Variants in CYP3A5 observed in about 807,000 individuals in gnomAD.
The protein encoded by CYP3A5 is cytochrome P450 family 3 subfamily A member 5.
In CYP3A5, 51 loss-of-function variants were observed where a neutral mutation model predicts 55.9. That is an observed-to-expected ratio of 0.91 (90% CI 0.73 to 1.15). CYP3A5 has a LOEUF of 1.15. CYP3A5 is among the 50% of genes most tolerant of loss of function. CYP3A5 has a pLI of 0.00. For synonymous variants in CYP3A5, 196 were observed against 213.9 expected, an observed-to-expected ratio of 0.92 and a Z score of 0.73; for missense variants, 533 against 596.6, an observed-to-expected ratio of 0.89 and a Z score of 1.11.
chr7:99,678,710 T>C (rs917754886), intron 1 of CYP3A5, among the ~76,000 whole-genome samples: 3 of 152,224 alleles, frequency 2.0e-5, no homozygotes, highest in Non-Finnish European at 4.4e-5. Context: ...TATCAATTCA[T>C]TTAAAAATGT....
intron 11 of CYP3A5, among the ~76,000 whole-genome samples, chr7:99,650,947 A>G (rs1809119829): frequency 6.6e-6 from 1 of 152,240 alleles, no homozygotes; most frequent in Non-Finnish European, 1.5e-5. Context: ...TGTTTTATTC[A>G]AATTTGATTT....
intron 2 of CYP3A5, among the ~76,000 whole-genome samples, chr7:99,675,611 TCTCTCCTCTCCTTTTCTCTC>T (rs1812147731): frequency 1.2e-5 from 1 of 86,872 alleles, no homozygotes; most frequent in East Asian, 3.6e-4. Context: ...TCTCCTCTCC[TCTCTCCTCTCCTTTTCTCTC>T]CTCTCCTCTC....
intron 10 of CYP3A5, among the ~76,000 whole-genome samples, chr7:99,654,903 C>T (rs1031706187): frequency 2.6e-4 from 39 of 152,186 alleles, no homozygotes; most frequent in African/African-American, 9.4e-4. Flanking sequence ...TGTTCATATC[C>T]TTCCCCCACT....
Position 99,662,931 on chromosome 7 carries a change from C to T in CYP3A5, c.799-49G>A. ...TTTGGCAGAAAGTGACTCGTGAAGT[C>T]AGAAGTAAATCAAAAGTGCAGTCCT... On this transcript the variant is annotated intron_variant, in intron 8 of 12. Coordinates refer to ENST00000222982, the MANE Select transcript of CYP3A5 (RefSeq NM_000777.5). This position sits in a 1 kb window ranked among gnomAD's most constrained non-coding sequence, Gnocchi z 4.3. 6.2e-7 allele frequency: 1 copy of T among 1,609,548 alleles called. No homozygotes were observed. The highest frequency in any genetic ancestry group is 1.1e-5 in the South Asian group (1 of 90,746).
chr7:99,675,963 G>A, intron 2 of CYP3A5, 152 bp downstream of exon 2: 1 of 641,932 alleles, frequency 1.6e-6, no homozygotes, highest in East Asian at 3.0e-5. Context: ...CACAGAGGCT[G>A]AGATTACAGG....
At chr7:99,677,167 G>A in intron 1 of CYP3A5, 4 of 985,396 alleles carry the variant, frequency 4.1e-6, no homozygotes, top group Non-Finnish European at 4.8e-6. Flanking sequence ...TGAGTCATGT[G>A]CAAACTCCTC....
intron 4 of CYP3A5, chr7:99,671,628 CTATA>C (rs2151440246): frequency 1.8e-6 from 1 of 542,172 alleles, no homozygotes; most frequent in East Asian, 3.0e-5. Context: ...AAGTGTTAAA[CTATA>C]TAACTCTTAG....
intron 7 of CYP3A5, among the ~76,000 whole-genome samples, 167 bp downstream of exon 7, chr7:99,664,999 T>C (rs41303322): frequency 0.03 from 4,506 of 152,242 alleles, 214 homozygotes; most frequent in African/African-American, 0.1. Context: ...GGGCTCTAGA[T>C]TGACAAAAAC....
chr7:99,667,164 A>G, intron 4 of CYP3A5, 99 bp from the exon 5 acceptor site: 1 of 983,456 alleles, frequency 1.0e-6, no homozygotes, highest in Admixed American at 2.8e-5. Flanking sequence ...ACAAATATTT[A>G]TTGACTGTAT....
intron 7 of CYP3A5, 60 bp from the exon 8 acceptor site, chr7:99,664,155 C>G: frequency 7.5e-7 from 1 of 1,339,284 alleles, no homozygotes; most frequent in Non-Finnish European, 1.0e-6. Flanking sequence ...TTACCTGGAG[C>G]AATTATAATT....
chr7:99,663,030 G>A (rs1810601855), intron 8 of CYP3A5, 148 bp from the exon 9 acceptor site: 1 of 1,401,644 alleles, frequency 7.1e-7, no homozygotes, highest in Non-Finnish European at 9.3e-7. Flanking sequence ...AGTCACCAGT[G>A]AACAAAAACA....
At chr7:99,674,753 A>G (rs1812057965) in intron 2 of CYP3A5, among the ~76,000 whole-genome samples, 168 bp from the exon 3 acceptor site, 1 of 152,216 alleles carries the variant, frequency 6.6e-6, no homozygotes, top group Non-Finnish European at 1.5e-5. Flanking sequence ...AAGAAAACAG[A>G]GAATATATTT....
At chr7:99,660,214 CTTTTTTTTTTTTTTTTTTTTT>C (rs34318418) in intron 10 of CYP3A5, 2 of 429,914 alleles carry the variant, frequency 4.7e-6, no homozygotes, top group African/African-American at 4.8e-5. Context: ...CGCCACACTC[CTTTTTTTTTTTTTTTTTTTTT>C]TTTTTTTTTT....
In CYP3A5 at chr7:99,662,834, C is replaced by A; in HGVS notation, c.847G>T (p.Glu283Ter). ...QLMIDSQNSK[E>*]TESHKALSDL... ...TGGTTACCTTTGTGGGACTCAGTTT[C>A]TTTCGAATTCTGGGAGTCAATCATC... is the stretch of plus-strand genomic sequence containing the variant. Residue 283 changes from glutamate (E) to a stop codon, truncating the protein, a stop_gained, in exon 9 of 13, where the codon GAA (glutamate) becomes TAA (stop). Transcript: ENST00000222982. LOFTEE classifies it high-confidence loss of function. This position sits in a 1 kb window ranked among gnomAD's most constrained non-coding sequence, Gnocchi z 4.3. 1 of 1,613,996 alleles carries A rather than the reference C, an allele frequency of 6.2e-7. No individual in the cohort carries two copies. Among genetic ancestry groups the A allele is most frequent in the Non-Finnish European group, 8.5e-7 (1 of 1,179,904 alleles).
intron 8 of CYP3A5, 66 bp downstream of exon 8, chr7:99,663,902 T>C: frequency 3.3e-6 from 5 of 1,522,546 alleles, no homozygotes; most frequent in Non-Finnish European, 4.4e-6. Flanking sequence ...ACATGCTCTA[T>C]CATGTGTATA....
Position 99,648,380 on chromosome 7 carries a change from C to T in CYP3A5, c.1434G>A (p.Thr478=), listed in dbSNP as rs745883666. 1.2e-5 allele frequency: 20 copies of T among 1,610,608 alleles called. No individual in the cohort carries two copies. Among genetic ancestry groups the T allele is most frequent in the Middle Eastern group, 3.3e-4 (2 of 6,070 alleles). The stretch of plus-strand genomic sequence containing the variant: ...GTTTTTCTGGTTGAAGAAGTCCTTG[C>T]GTGTCTAATTTCAAGGGGATCTACA... ...KETQIPLKLD[T]QGLLQPEKPI... Residue 478 remains threonine (T), a synonymous_variant, in exon 13 of 13, where the codon ACG becomes ACA. Coordinates refer to ENST00000222982, the MANE Select transcript of CYP3A5 (RefSeq NM_000777.5).
intron 1 of CYP3A5, chr7:99,676,685 C>A: frequency 6.6e-6 from 4 of 601,930 alleles, no homozygotes; most frequent in Non-Finnish European, 1.2e-5. Flanking sequence ...GGTGACACTG[C>A]CCTTACAATT....
intron 9 of CYP3A5, 112 bp from the exon 10 acceptor site, chr7:99,660,771 AT>A: frequency 7.7e-7 from 1 of 1,301,506 alleles, no homozygotes; most frequent in Non-Finnish European, 1.1e-6. Context: ...TGGAAAAGCA[AT>A]TCAAAGTCAC....
chr7:99,664,542 A>G (rs1185936483), intron 7 of CYP3A5, among the ~76,000 whole-genome samples: 1 of 152,232 alleles, frequency 6.6e-6, no homozygotes, highest in Non-Finnish European at 1.5e-5. Flanking sequence ...GGAAACTCAT[A>G]CATTTGTGGA....
Sources: allele counts gnomAD v4.1 joint callset (sites outside exome capture counted in the v4.1 genomes callset), GRCh38; gene constraint gnomAD v4.1.1; non-coding constraint Gnocchi (gnomAD v3.1); transcripts MANE v1.5; gene names NCBI Gene and HGNC (gene_info 2026-07-23, HGNC 2026-07-21).